The following IKBKB variants were observed in gnomAD, a reference collection of about 807,000 sequenced individuals.
IKBKB encodes the protein inhibitor of nuclear factor kappa B kinase subunit beta.
In IKBKB, 42 loss-of-function variants were observed where a neutral mutation model predicts 113.6. That is an observed-to-expected ratio of 0.37 (90% CI 0.29 to 0.48). IKBKB has a LOEUF of 0.48. IKBKB is among the 20% of genes least tolerant of loss of function. The probability of loss-of-function intolerance (pLI) is 0.99; values close to 1 mark genes in which losing one functional copy is unlikely to be tolerated. For synonymous variants in IKBKB, 296 were observed against 361.3 expected (o/e 0.82, Z 2.05); for missense variants, 673 against 939.7 (o/e 0.72, Z 3.71).
At chr8:42,295,366 A>G (rs1412950910) in intron 5 of IKBKB, among the ~76,000 whole-genome samples, 1 of 152,188 alleles carries the variant, frequency 6.6e-6, no homozygotes, top group African/African-American at 2.4e-5. Flanking sequence ...TGATCTGCCC[A>G]TCTCAGCTTC....
At chr8:42,286,714 C>G (rs187232647) in intron 2 of IKBKB, among the ~76,000 whole-genome samples, 1 of 152,296 alleles carries the variant, frequency 6.6e-6, no homozygotes, top group Admixed American at 6.5e-5. Context: ...CATTCAGTAC[C>G]ATGTCTGTTG....
intron 5 of IKBKB, among the ~76,000 whole-genome samples, chr8:42,299,219 C>A (rs2130441094): frequency 6.6e-6 from 1 of 152,312 alleles, no homozygotes; most frequent in African/African-American, 2.4e-5. Context: ...AACCTGGTCT[C>A]ACAGAGTCAG....
intron 12 of IKBKB, 34 bp downstream of exon 12, chr8:42,317,805 A>G: frequency 1.4e-6 from 2 of 1,429,156 alleles, no homozygotes; most frequent in Non-Finnish European, 2.0e-6. Flanking sequence ...TTTCTAAATA[A>G]TCCGTTATAA....
chr8:42,325,497 G>T, intron 19 of IKBKB: 5 of 701,620 alleles, frequency 7.1e-6, no homozygotes, highest in Non-Finnish European at 8.8e-6. Flanking sequence ...TGGCCAATAT[G>T]GTGAAACACC....
intron 2 of IKBKB, among the ~76,000 whole-genome samples, chr8:42,275,079 G>C (rs1265833626): frequency 6.6e-6 from 1 of 151,994 alleles, no homozygotes; most frequent in Non-Finnish European, 1.5e-5. Flanking sequence ...GTTTTACCAT[G>C]TTGGCCAGTC....
chr8:42,287,573 A>G (rs150906265), intron 2 of IKBKB, among the ~76,000 whole-genome samples: 3 of 152,304 alleles, frequency 2.0e-5, no homozygotes, highest in South Asian at 2.1e-4. Flanking sequence ...GGAAATGCAG[A>G]TAGGAGCCAA....
intron 2 of IKBKB, among the ~76,000 whole-genome samples, chr8:42,275,619 ATTCT>A (rs1808924992): frequency 6.6e-6 from 1 of 152,136 alleles, no homozygotes; most frequent in South Asian, 2.1e-4. Flanking sequence ...GCAGGATTTC[ATTCT>A]TTTTTATGGC....
intron 15 of IKBKB, chr8:42,320,459 A>C (rs1819542644): frequency 2.7e-6 from 1 of 367,746 alleles, no homozygotes; most frequent in Non-Finnish European, 5.0e-6. Flanking sequence ...ACTTCATCTT[A>C]CTTGACTCCT....
In IKBKB at chr8:42,316,659, G is replaced by C; in HGVS notation, c.931-51G>C. On this transcript the variant is annotated intron_variant, in intron 10 of 21. Transcript: ENST00000520810. The surrounding 1 kb of genome is among the most constrained non-coding windows in gnomAD (Gnocchi z 4.5). ...AGAGAGGACCTAGGCAAATAGATGG[G>C]CATTTCCTTGAAGAAATCGGTTTTC... 6.5e-7 allele frequency: 1 copy of C among 1,528,648 alleles called. No individual in the cohort carries two copies. The highest frequency in any genetic ancestry group is 8.9e-7 in the Non-Finnish European group (1 of 1,121,134). 94.7% of individuals were successfully genotyped at this position (1,528,648 alleles called of 1,614,324 possible).
chr8:42,277,205 C>T (rs561700443), intron 2 of IKBKB, among the ~76,000 whole-genome samples: 73 of 127,840 alleles, frequency 5.7e-4, no homozygotes, highest in African/African-American at 3.9e-4. Flanking sequence ...TTTTTTGCAA[C>T]GGAGTCACGC....
chr8:42,300,050 A>G (rs1219825761), intron 5 of IKBKB, among the ~76,000 whole-genome samples: 3 of 152,210 alleles, frequency 2.0e-5, no homozygotes, highest in Non-Finnish European at 2.9e-5. Context: ...TGGACACTCA[A>G]TAGAGCCTCG....
At chr8:42,314,190 C>G (rs1259811591) in intron 8 of IKBKB, 132 bp from the exon 9 acceptor site, 2 of 721,696 alleles carry the variant, frequency 2.8e-6, no homozygotes, top group African/African-American at 3.4e-5. Context: ...CAGCCTAGGT[C>G]TGTAGTAGGC....
At chr8:42,279,820 A>G (rs1179696779) in intron 2 of IKBKB, among the ~76,000 whole-genome samples, 1 of 152,112 alleles carries the variant, frequency 6.6e-6, no homozygotes, top group Non-Finnish European at 1.5e-5. Context: ...TTTTTGAAGC[A>G]GGAAGGGGAA....
At chr8:42,284,653 G>A (rs1420914590) in intron 2 of IKBKB, among the ~76,000 whole-genome samples, 1 of 151,910 alleles carries the variant, frequency 6.6e-6, no homozygotes, top group Non-Finnish European at 1.5e-5. Context: ...ATGGAAAACT[G>A]TGGAACTTAA....
At chr8:42,282,005 C>T (rs1810454948) in intron 2 of IKBKB, among the ~76,000 whole-genome samples, 1 of 152,172 alleles carries the variant, frequency 6.6e-6, no homozygotes, top group South Asian at 2.1e-4. Context: ...GGATGTGCTC[C>T]CCCTCTGCCT....
chr8:42,329,427 A>G, intron 21 of IKBKB: 2 of 925,474 alleles, frequency 2.2e-6, no homozygotes, highest in Non-Finnish European at 2.7e-6. Flanking sequence ...GGTTCAAGTG[A>G]TTCTCATGCC....
intron 19 of IKBKB, chr8:42,325,057 G>T: frequency 6.0e-6 from 1 of 167,056 alleles, no homozygotes; most frequent in Non-Finnish European, 1.2e-5. Context: ...ATGAAGGACT[G>T]CAGGCCGAAG....
intron 5 of IKBKB, among the ~76,000 whole-genome samples, chr8:42,295,301 TAG>T (rs1246160742): frequency 6.6e-6 from 1 of 152,058 alleles, no homozygotes; most frequent in Admixed American, 6.6e-5. Flanking sequence ...GTATTTTTAG[TAG>T]AGACAGGGTT....
intron 2 of IKBKB, 124 bp downstream of exon 2, chr8:42,272,329 TA>T (rs1421265057): frequency 3.8e-6 from 5 of 1,313,478 alleles, no homozygotes; most frequent in Non-Finnish European, 5.4e-6. Flanking sequence ...GGACAGTGAA[TA>T]GGGGGACTGG....
Sources: gnomAD v4.1 joint callset for allele counts (sites outside exome capture counted in the v4.1 genomes callset) on GRCh38, gnomAD v4.1.1 for gene constraint, Gnocchi (gnomAD v3.1) non-coding constraint, MANE v1.5 for transcripts, NCBI Gene and HGNC (gene_info 2026-07-23, HGNC 2026-07-21) for gene names.